The following CAST variants were observed in gnomAD, a reference collection of about 807,000 sequenced individuals.
CAST encodes MIR583 host.
A neutral mutation model predicts 119.6 loss-of-function variants in CAST; 76 were observed. That is an observed-to-expected ratio of 0.64 (90% CI 0.53 to 0.77). CAST has a LOEUF of 0.77. Ranked by LOEUF, CAST falls within the 30% of genes least tolerant of loss-of-function variation. The probability of loss-of-function intolerance (pLI) is 0.00; values close to 1 mark genes in which losing one functional copy is unlikely to be tolerated. For synonymous variants in CAST, 319 were observed against 331.6 expected, an observed-to-expected ratio of 0.96 and a Z score of 0.41; for missense variants, 953 against 946.5, an observed-to-expected ratio of 1.01 and a Z score of -0.09.
At chr5:96,237,320 C>T in the CAST span, among the ~76,000 whole-genome samples, 3 of 152,220 alleles carry the variant, frequency 2.0e-5, no homozygotes, top group South Asian at 4.1e-4. Flanking sequence ...TGTGATTTGT[C>T]TCTGCTAGAA....
chr5:96,318,135 CAT>C, the CAST span, among the ~76,000 whole-genome samples: 1 of 152,200 alleles, frequency 6.6e-6, no homozygotes, highest in Non-Finnish European at 1.5e-5. Context: ...GCAGCAAAAA[CAT>C]ATTTGTAACC....
the CAST span, among the ~76,000 whole-genome samples, chr5:96,436,025 A>G: frequency 2.6e-5 from 4 of 152,258 alleles, no homozygotes; most frequent in African/African-American, 9.6e-5. Context: ...GAATAACAGA[A>G]TAATATTCCT....
At chr5:96,767,341 C>T in intron 27 of CAST, 97 bp from the exon 28 acceptor site, 2 of 946,848 alleles carry the variant, frequency 2.1e-6, no homozygotes, top group Admixed American at 4.3e-5. Flanking sequence ...CCATTTTATC[C>T]AAGTCAAGTC....
At chr5:96,046,893 G>C in the CAST span, among the ~76,000 whole-genome samples, 2 of 152,062 alleles carry the variant, frequency 1.3e-5, no homozygotes, top group African/African-American at 2.4e-5. Flanking sequence ...ATCAGATCTC[G>C]TGAAACTTAT....
chr5:96,272,851 A>G, the CAST span, among the ~76,000 whole-genome samples: 1 of 152,210 alleles, frequency 6.6e-6, no homozygotes, highest in Non-Finnish European at 1.5e-5. Context: ...CAATTATTTC[A>G]TGTAGCCTCA....
At chr5:96,104,715 C>A in the CAST span, among the ~76,000 whole-genome samples, 3 of 140,830 alleles carry the variant, frequency 2.1e-5, no homozygotes, top group Non-Finnish European at 4.7e-5. Flanking sequence ...CTTGGCGATG[C>A]GGGCTCTTTT....
At chr5:96,324,548 T>C in the CAST span, among the ~76,000 whole-genome samples, 10 of 152,360 alleles carry the variant, frequency 6.6e-5, no homozygotes, top group East Asian at 1.9e-4. Flanking sequence ...ATAGAAGGAA[T>C]GTTCCTCCTC....
the CAST span, among the ~76,000 whole-genome samples, chr5:96,285,046 C>T: frequency 2.0e-5 from 3 of 152,178 alleles, no homozygotes; most frequent in Non-Finnish European, 4.4e-5. Flanking sequence ...GTTTTCTTAT[C>T]TGTGAAGAGA....
chr5:96,322,885 C>T, the CAST span, among the ~76,000 whole-genome samples: 2 of 152,202 alleles, frequency 1.3e-5, no homozygotes, highest in African/African-American at 2.4e-5. Flanking sequence ...CTGCTTTCTT[C>T]ACCCTTACAT....
chr5:96,455,959 T>G, the CAST span, among the ~76,000 whole-genome samples: 1 of 152,180 alleles, frequency 6.6e-6, no homozygotes, highest in African/African-American at 2.4e-5. Flanking sequence ...GCCTTCAACA[T>G]GTGTTGCTGA....
At chr5:96,566,531 A>G (rs1746472632) in intron 1 of CAST, among the ~76,000 whole-genome samples, 1 of 152,230 alleles carries the variant, frequency 6.6e-6, no homozygotes, top group Admixed American at 6.5e-5. Context: ...GGAATCTGCA[A>G]AGATGGAGGG....
the CAST span, chr5:96,416,063 C>T: frequency 3.1e-6 from 5 of 1,612,612 alleles, no homozygotes; most frequent in Admixed American, 1.7e-5. Flanking sequence ...GCAACTCCAA[C>T]CCCGCATTTG....
chr5:96,375,037 T>C, the CAST span, among the ~76,000 whole-genome samples: 1 of 152,220 alleles, frequency 6.6e-6, no homozygotes, highest in African/African-American at 2.4e-5. Flanking sequence ...TCTCATATAT[T>C]CAATAAGTCT....
the CAST span, among the ~76,000 whole-genome samples, chr5:96,011,748 T>C: frequency 1.3e-5 from 2 of 152,216 alleles, no homozygotes; most frequent in Non-Finnish European, 2.9e-5. Flanking sequence ...ATTGCATAAT[T>C]TTTCAAGCCG....
At chr5:96,761,723 A>T (rs894304543) in intron 24 of CAST, 14 of 153,116 alleles carry the variant, frequency 9.1e-5, no homozygotes, top group African/African-American at 3.4e-4. Flanking sequence ...TAACGTTGAA[A>T]AAAAACCCTG....
At chr5:96,549,189 T>C (rs754194205) in intron 1 of CAST, among the ~76,000 whole-genome samples, 18 of 152,216 alleles carry the variant, frequency 1.2e-4, no homozygotes, top group Non-Finnish European at 2.4e-4. Context: ...ATGATAAAAT[T>C]CTGTGCTACT....
the CAST span, among the ~76,000 whole-genome samples, chr5:96,467,977 A>G: frequency 2.0e-5 from 3 of 152,076 alleles, no homozygotes; most frequent in Admixed American, 2.0e-4. Flanking sequence ...AAGATACGGA[A>G]CCAACCTAAG....
At chr5:96,518,638 G>A in the CAST span, among the ~76,000 whole-genome samples, 26 of 152,296 alleles carry the variant, frequency 1.7e-4, no homozygotes, top group East Asian at 3.7e-3. Context: ...CCTGGTGACC[G>A]TAGCAGGCTT....
At chr5:96,291,470 T>A in the CAST span, among the ~76,000 whole-genome samples, 1 of 152,024 alleles carries the variant, frequency 6.6e-6, no homozygotes, top group Non-Finnish European at 1.5e-5. Context: ...TTTGTCAAAT[T>A]CCTTTTTTTT....
Sources: gnomAD v4.1 joint callset for allele counts (sites outside exome capture counted in the v4.1 genomes callset) on GRCh38, gnomAD v4.1.1 for gene constraint, MANE v1.5 for transcripts, NCBI Gene and HGNC (gene_info 2026-07-23, HGNC 2026-07-21) for gene names.